SEMA5A: variants seen among roughly 807,000 people sequenced by gnomAD.
The protein encoded by SEMA5A is semaphorin 5A, also known as semaphorin-5A.
SEMA5A carries 55 observed loss-of-function variants against 135.5 expected under a neutral mutation model. That is an observed-to-expected ratio of 0.41 (90% CI 0.33 to 0.51). The LOEUF is 0.51. Among genes scored for constraint, SEMA5A ranks in the 20% least tolerant of loss-of-function variants. The pLI is 0.37. For synonymous variants in SEMA5A, 580 were observed against 546.5 expected (o/e 1.06, Z -0.85); for missense variants, 1,290 against 1,419.9 (o/e 0.91, Z 1.47).
In SEMA5A at chr5:9,066,669, T is replaced by C. The variant is rs780601511; in HGVS notation, c.2074-23A>G. 14 of 1,608,336 alleles carry C rather than the reference T, an allele frequency of 8.7e-6. No homozygotes were observed. In the Admixed American group the frequency reaches 2.3e-4, roughly 27 times the overall value. ...CTCCTGGGGAGAATGCGCAGACGAG[T>C]GTTACTATACGGGGTAAACAGAGCA... is the stretch of plus-strand genomic sequence containing the variant. On this transcript the variant is annotated intron_variant, in intron 16 of 22. Transcript: ENST00000382496.
At chr5:9,113,645 G>T (rs1349204395) in intron 15 of SEMA5A, among the ~76,000 whole-genome samples, 1 of 152,098 alleles carries the variant, frequency 6.6e-6, no homozygotes, top group East Asian at 1.9e-4. Context: ...CAAAATATTT[G>T]AATAGACATT....
intron 5 of SEMA5A, among the ~76,000 whole-genome samples, chr5:9,242,753 A>G (rs982885476): frequency 2.6e-5 from 4 of 152,178 alleles, no homozygotes; most frequent in African/African-American, 9.7e-5. Context: ...CTCTACCCCA[A>G]TAACATATGG....
intron 6 of SEMA5A, 145 bp from the exon 7 acceptor site, chr5:9,227,112 C>A: frequency 2.9e-6 from 1 of 339,440 alleles, no homozygotes; most frequent in East Asian, 6.3e-5. Flanking sequence ...AAATGTAAAC[C>A]ATTAAAACAA....
intron 5 of SEMA5A, among the ~76,000 whole-genome samples, chr5:9,283,031 G>A (rs1750620807): frequency 6.6e-6 from 1 of 152,142 alleles, no homozygotes; most frequent in Admixed American, 6.6e-5. Context: ...GACCAATTTT[G>A]AACTTCTGGC....
chr5:9,266,036 T>C (rs1749668042), intron 5 of SEMA5A, among the ~76,000 whole-genome samples: 1 of 152,236 alleles, frequency 6.6e-6, no homozygotes, highest in African/African-American at 2.4e-5. Context: ...AATCCATTTA[T>C]CTCACATTTC....
rs537428787 is a variant in SEMA5A at position 9,146,662 on chromosome 5, G to C, written c.1481+7826C>G. Among the ~76,000 whole-genome samples the C allele has an allele frequency of 5.7e-4, 87 of 152,284 alleles. 1 individual carries two copies. Among genetic ancestry groups the C allele is most frequent in the African/African-American group, 1.9e-3 (80 of 41,566 alleles). On this transcript the variant is annotated intron_variant, in intron 12 of 22. Coordinates refer to ENST00000382496, the MANE Select transcript of SEMA5A (RefSeq NM_003966.3). ...CCTTCGGTTCAGTTCCATGACAGCA[G>C]GTGATTTTACTTACACCAGAATTTC...
At chr5:9,050,495 T>A in intron 20 of SEMA5A, 38 bp from the exon 21 acceptor site, 1 of 1,574,696 alleles carries the variant, frequency 6.4e-7, no homozygotes, top group Non-Finnish European at 8.7e-7. Context: ...GTGTAAAAGG[T>A]GTTCAGAAGA....
chr5:9,441,983 C>T (rs1463453798), intron 1 of SEMA5A, among the ~76,000 whole-genome samples: 3 of 152,160 alleles, frequency 2.0e-5, no homozygotes, highest in African/African-American at 7.2e-5. Flanking sequence ...TATGGCAGCT[C>T]TGCAGAGGAT....
At chr5:9,159,889 C>A (rs571530040) in intron 11 of SEMA5A, among the ~76,000 whole-genome samples, 3 of 152,134 alleles carry the variant, frequency 2.0e-5, no homozygotes, top group Non-Finnish European at 4.4e-5. Flanking sequence ...GCAATAAGAT[C>A]ACGTCCTTTT....
At chr5:9,423,009 G>A (rs1478438790) in intron 2 of SEMA5A, among the ~76,000 whole-genome samples, 1 of 152,202 alleles carries the variant, frequency 6.6e-6, no homozygotes, top group Non-Finnish European at 1.5e-5. Flanking sequence ...ACCTTGAACA[G>A]TTGATGCAAA....
intron 1 of SEMA5A, among the ~76,000 whole-genome samples, chr5:9,506,443 C>A (rs537983603): frequency 1.3e-5 from 2 of 152,250 alleles, no homozygotes; most frequent in African/African-American, 4.8e-5. Flanking sequence ...AGTAACTATC[C>A]AGACAGTCTT....
intron 5 of SEMA5A, among the ~76,000 whole-genome samples, chr5:9,272,981 A>G (rs187433504): frequency 7.2e-4 from 109 of 152,320 alleles, no homozygotes; most frequent in African/African-American, 2.4e-3. Context: ...CTCACCAGCA[A>G]GGGAACAAAA....
chr5:9,132,874 C>A (rs144874018), intron 13 of SEMA5A, among the ~76,000 whole-genome samples: 1 of 152,200 alleles, frequency 6.6e-6, no homozygotes, highest in Non-Finnish European at 1.5e-5. Flanking sequence ...ATTCAAAAAT[C>A]CCTCAGCTTA....
chr5:9,384,603 G>C lies in SEMA5A; in HGVS notation c.-77-4580C>G, dbSNP rs9687181. On this transcript the variant is annotated intron_variant, in intron 2 of 22. Coordinates refer to ENST00000382496, the MANE Select transcript of SEMA5A (RefSeq NM_003966.3). Reference sequence around the variant, plus strand: ...AGATAGATAGATAGATAGATAGATAGATAGATAGATAGATACATAGATAGA... The same window carrying C: ...AGATAGATAGATAGATAGATAGATACATAGATAGATAGATACATAGATAGA... Among the ~76,000 whole-genome samples, 836 of 106,818 alleles carry C rather than the reference G, an allele frequency of 7.8e-3. 32 individuals are homozygous for C. Among genetic ancestry groups the C allele is most frequent in the Non-Finnish European group, 0.01 (510 of 48,632 alleles). The allele number at this position is 106,818 out of a possible 152,430, so 70.1% of individuals were successfully genotyped here.
chr5:9,250,808 C>A (rs1476164309), intron 5 of SEMA5A, among the ~76,000 whole-genome samples: 2 of 152,124 alleles, frequency 1.3e-5, no homozygotes, highest in Non-Finnish European at 1.5e-5. Context: ...ACTTACAACT[C>A]TTGACTTCCA....
intron 13 of SEMA5A, among the ~76,000 whole-genome samples, chr5:9,135,866 T>C (rs1292897966): frequency 4.6e-5 from 7 of 152,172 alleles, no homozygotes; most frequent in Non-Finnish European, 8.8e-5. Flanking sequence ...TTCTAAGTAC[T>C]GGTTCCTATA....
chr5:9,334,058 A>G (rs559915521), intron 4 of SEMA5A, among the ~76,000 whole-genome samples: 1 of 152,256 alleles, frequency 6.6e-6, no homozygotes, highest in African/African-American at 2.4e-5. Context: ...ATAACCACAA[A>G]TGGCTGAAAG....
chr5:9,366,392 C>CA (rs1754914246), intron 3 of SEMA5A, among the ~76,000 whole-genome samples: 1 of 142,036 alleles, frequency 7.0e-6, no homozygotes, highest in Non-Finnish European at 1.6e-5. Flanking sequence ...ATAAAGAATT[C>CA]TTTTTTTTTT....
intron 18 of SEMA5A, among the ~76,000 whole-genome samples, chr5:9,055,699 GC>G (rs1208423397): frequency 6.6e-6 from 1 of 152,060 alleles, no homozygotes; most frequent in Non-Finnish European, 1.5e-5. Context: ...AAATAAGTTT[GC>G]AATCTAACTG....
Sources: gnomAD v4.1 joint callset for allele counts (sites outside exome capture counted in the v4.1 genomes callset) on GRCh38, gnomAD v4.1.1 for gene constraint, MANE v1.5 for transcripts, NCBI Gene and HGNC (gene_info 2026-07-23, HGNC 2026-07-21) for gene names.